The following RBMS3 variants were observed in gnomAD, a reference collection of about 807,000 sequenced individuals.
RBMS3 encodes RNA-binding motif, single-stranded-interacting protein 3.
Under a neutral mutation model 66.8 loss-of-function variants are expected in RBMS3, and 27 were observed. The ratio of observed to expected loss-of-function variants is 0.40; its 90% CI spans 0.30 to 0.56. RBMS3 has a LOEUF of 0.56. RBMS3 is among the 20% of genes least tolerant of loss of function. RBMS3 has a pLI of 0.40. For missense variants in RBMS3, 513 were observed against 549.5 expected, an observed-to-expected ratio of 0.93 and a Z score of 0.66; for synonymous variants, 188 against 183.0, an observed-to-expected ratio of 1.03 and a Z score of -0.22.
chr3:29,654,722 C>T (rs1196819266), intron 4 of RBMS3, among the ~76,000 whole-genome samples: 2 of 150,950 alleles, frequency 1.3e-5, no homozygotes, highest in Non-Finnish European at 2.9e-5. Flanking sequence ...ACTAGAGTAG[C>T]TGGAATACAG....
intron 3 of RBMS3, 133 bp from the exon 4 acceptor site, chr3:29,586,981 G>A (rs923279514): frequency 1.5e-5 from 9 of 593,494 alleles, no homozygotes; most frequent in Admixed American, 1.3e-4. Flanking sequence ...ACTAATCTAA[G>A]AGCCTAATGT....
Position 29,477,720 on chromosome 3 carries a change from G to C in RBMS3, c.249-10721G>C, listed in dbSNP as rs76621568. Reference sequence around the variant, plus strand: ...AATGAGAGATATGTCAGTTGAGTAGGGATGAGGAGAATGAGGTTAGTGATA... The same window carrying C: ...AATGAGAGATATGTCAGTTGAGTAGCGATGAGGAGAATGAGGTTAGTGATA... On this transcript the variant is annotated intron_variant, in intron 2 of 14. Transcript: ENST00000383767. 4.2e-3 allele frequency among the ~76,000 whole-genome samples: 645 copies of C among 152,136 alleles called. 3 individuals are homozygous for C. The highest frequency in any genetic ancestry group is 8.1e-3 in the South Asian group (39 of 4,824).
intron 3 of RBMS3, among the ~76,000 whole-genome samples, chr3:29,503,919 A>G (rs1210144148): frequency 6.6e-6 from 1 of 152,100 alleles, no homozygotes; most frequent in Non-Finnish European, 1.5e-5. Flanking sequence ...GCTATGGGGA[A>G]AAAATGTAAA....
At chr3:29,692,410 T>C (rs1353299492) in intron 4 of RBMS3, among the ~76,000 whole-genome samples, 1 of 152,210 alleles carries the variant, frequency 6.6e-6, no homozygotes, top group Non-Finnish European at 1.5e-5. Flanking sequence ...TTGAGCCCTG[T>C]TTATAATGAA....
At chr3:29,914,621 T>A (rs1467980081) in intron 10 of RBMS3, among the ~76,000 whole-genome samples, 1 of 151,946 alleles carries the variant, frequency 6.6e-6, no homozygotes, top group Non-Finnish European at 1.5e-5. Context: ...ATGCTTTTTC[T>A]TATACCTATA....
intron 12 of RBMS3, among the ~76,000 whole-genome samples, chr3:29,985,832 C>T (rs544898559): frequency 3.3e-5 from 5 of 152,234 alleles, no homozygotes; most frequent in South Asian, 4.1e-4. Context: ...ATTAACCATA[C>T]TACCTAGGAA....
chr3:29,417,408 T>C (rs2040522292), intron 1 of RBMS3, among the ~76,000 whole-genome samples: 1 of 152,238 alleles, frequency 6.6e-6, no homozygotes, highest in South Asian at 2.1e-4. Context: ...GCAGTCCACG[T>C]AGAGTTAAAT....
intron 10 of RBMS3, among the ~76,000 whole-genome samples, chr3:29,900,631 C>G (rs1471376125): frequency 6.6e-6 from 1 of 151,698 alleles, no homozygotes; most frequent in African/African-American, 2.4e-5. Flanking sequence ...GTGACAAGGT[C>G]TCTGGTGACT....
intron 3 of RBMS3, among the ~76,000 whole-genome samples, chr3:29,488,943 T>A (rs2043425135): frequency 6.6e-6 from 1 of 152,216 alleles, no homozygotes; most frequent in Non-Finnish European, 1.5e-5. Flanking sequence ...GTATTAAGCT[T>A]CAGCTATAAG....
chr3:29,677,101 C>A (rs1195775159), intron 4 of RBMS3, among the ~76,000 whole-genome samples: 2 of 152,054 alleles, frequency 1.3e-5, no homozygotes, highest in African/African-American at 4.8e-5. Context: ...TTTAAACAAC[C>A]ATATCTCAAG....
At chr3:29,516,511 G>T (rs2044632012) in intron 3 of RBMS3, among the ~76,000 whole-genome samples, 1 of 152,066 alleles carries the variant, frequency 6.6e-6, no homozygotes, top group South Asian at 2.1e-4. Context: ...GCCCAGGCTG[G>T]AGTGCAGTGG....
chr3:29,946,358 A>G (rs1559826921), intron 12 of RBMS3, among the ~76,000 whole-genome samples: 2 of 151,654 alleles, frequency 1.3e-5, no homozygotes, highest in African/African-American at 2.4e-5. Flanking sequence ...GTAGAATCCA[A>G]CTAAATTGTT....
intron 6 of RBMS3, among the ~76,000 whole-genome samples, chr3:29,809,544 A>T (rs889546195): frequency 6.6e-6 from 1 of 151,888 alleles, no homozygotes; most frequent in Admixed American, 6.6e-5. Context: ...GCCAATGCCA[A>T]TTTTCATTAC....
At chr3:29,532,792 C>T (rs1234071754) in intron 3 of RBMS3, among the ~76,000 whole-genome samples, 1 of 151,938 alleles carries the variant, frequency 6.6e-6, no homozygotes, top group African/African-American at 2.4e-5. Flanking sequence ...ATCATTAGTG[C>T]AAAGCAACTC....
chr3:29,563,060 G>T (rs544831476), intron 3 of RBMS3, among the ~76,000 whole-genome samples: 2 of 152,304 alleles, frequency 1.3e-5, no homozygotes, highest in African/African-American at 4.8e-5. Flanking sequence ...ATCTGGAAAA[G>T]ACAGTGCAGG....
At chr3:29,448,567 T>C (rs188858130) in intron 2 of RBMS3, among the ~76,000 whole-genome samples, 1 of 152,244 alleles carries the variant, frequency 6.6e-6, no homozygotes, top group Non-Finnish European at 1.5e-5. Context: ...CACTCCATGT[T>C]TGAATTGCAG....
chr3:29,947,464 A>G (rs963998287), intron 12 of RBMS3, among the ~76,000 whole-genome samples: 6 of 151,598 alleles, frequency 4.0e-5, no homozygotes, highest in Non-Finnish European at 5.9e-5. Flanking sequence ...GTTAAAGCAG[A>G]AATGGTGATG....
intron 6 of RBMS3, among the ~76,000 whole-genome samples, chr3:29,839,821 T>A (rs993572355): frequency 2.0e-5 from 3 of 151,630 alleles, no homozygotes; most frequent in African/African-American, 7.3e-5. Context: ...TTAGAAAAAA[T>A]TGTTTGAAAT....
At chr3:29,625,917 T>C (rs1341127909) in intron 4 of RBMS3, among the ~76,000 whole-genome samples, 2 of 152,136 alleles carry the variant, frequency 1.3e-5, no homozygotes, top group South Asian at 2.1e-4. Context: ...TGCTGAGATA[T>C]AAGAAGACGG....
Sources: allele counts gnomAD v4.1 joint callset (sites outside exome capture counted in the v4.1 genomes callset), GRCh38; gene constraint gnomAD v4.1.1; transcripts MANE v1.5; gene names NCBI Gene and HGNC (gene_info 2026-07-23, HGNC 2026-07-21).